The following SIAH3 variants were observed in gnomAD, a reference collection of about 807,000 sequenced individuals.
The protein encoded by SIAH3 is seven in absentia homolog 3.
A neutral mutation model predicts 12.6 loss-of-function variants in SIAH3; 9 were observed. That is an observed-to-expected ratio of 0.72 (90% CI 0.43 to 1.25). The LOEUF (loss-of-function observed/expected upper bound fraction) is 1.25, where lower values mean the gene tolerates loss of function less well. Among genes scored for constraint, SIAH3 ranks in the 50% most tolerant of loss-of-function variants. The pLI, the probability that SIAH3 is intolerant of heterozygous loss-of-function variation, is 0.00. For missense variants in SIAH3, 390 were observed against 365.4 expected, an observed-to-expected ratio of 1.07 and a Z score of -0.55; for synonymous variants, 154 against 151.1, an observed-to-expected ratio of 1.02 and a Z score of -0.14.
chr13:45,820,952 G>C (rs934131434), intron 1 of SIAH3, among the ~76,000 whole-genome samples: 6 of 152,160 alleles, frequency 3.9e-5, no homozygotes, highest in Non-Finnish European at 7.4e-5. Context: ...CTCCTACCAA[G>C]GTCTGTTGTT....
chr13:45,834,557 G>A lies in SIAH3; in HGVS notation c.135+16938C>T, dbSNP rs117632316. Among the ~76,000 whole-genome samples the A allele has an allele frequency of 3.8e-3, 579 of 152,304 alleles. 6 individuals carry two copies. The highest frequency in any genetic ancestry group is 5.9e-3 in the Non-Finnish European group (398 of 68,020). ...GGTTCCAGGGCAGTTCTCCCTGGGA[G>A]CTCAGGGCCTATGGCTGGTGGGCAG... On this transcript the variant is annotated intron_variant, in intron 1 of 1. Coordinates refer to ENST00000400405, the MANE Select transcript of SIAH3 (RefSeq NM_198849.3).
At position 45,784,409 on chromosome 13, in the gene SIAH3, T is replaced by G. The variant is rs1484925375; in HGVS notation, c.136-352A>C. Among the ~76,000 whole-genome samples, 12 of 150,770 alleles carry G rather than the reference T, an allele frequency of 8.0e-5. 2 individuals carry two copies. Among genetic ancestry groups the G allele is most frequent in the East Asian group, 3.9e-4 (2 of 5,164 alleles). On this transcript the variant is annotated intron_variant, in intron 1 of 1. Coordinates refer to ENST00000400405, the MANE Select transcript of SIAH3 (RefSeq NM_198849.3). ...GAACAAAGACAGCTGTTTTTTTTTT[T>G]TTTTTTTTTTTTGCTTTTTTGATAT...
At chr13:45,790,060 T>C (rs79584675) in intron 1 of SIAH3, among the ~76,000 whole-genome samples, 21 of 152,336 alleles carry the variant, frequency 1.4e-4, no homozygotes, top group African/African-American at 4.8e-4. Context: ...CTAAATATCC[T>C]TGTGTCCAGC....
intron 1 of SIAH3, among the ~76,000 whole-genome samples, chr13:45,813,013 T>C (rs1376017021): frequency 1.3e-5 from 2 of 152,142 alleles, no homozygotes; most frequent in Non-Finnish European, 2.9e-5. Flanking sequence ...ATCTGGATGG[T>C]AGGGAAGTGA....
At chr13:45,827,562 G>T (rs1306903389) in intron 1 of SIAH3, among the ~76,000 whole-genome samples, 1 of 152,114 alleles carries the variant, frequency 6.6e-6, no homozygotes, top group Non-Finnish European at 1.5e-5. Context: ...TTCTCAGAGG[G>T]GTTGGGAAAG....
intron 1 of SIAH3, among the ~76,000 whole-genome samples, chr13:45,848,072 G>C (rs2137587604): frequency 6.6e-6 from 1 of 152,162 alleles, no homozygotes; most frequent in East Asian, 1.9e-4. Flanking sequence ...AACAAGCAAA[G>C]GACAGGAGGG....
At chr13:45,794,240 TGTA>T (rs1301970747) in intron 1 of SIAH3, among the ~76,000 whole-genome samples, 1 of 152,038 alleles carries the variant, frequency 6.6e-6, no homozygotes, top group Non-Finnish European at 1.5e-5. Flanking sequence ...CTACAGGCAC[TGTA>T]GACTGGGAAT....
chr13:45,843,796 T>A (rs548818044), intron 1 of SIAH3, among the ~76,000 whole-genome samples: 1 of 151,290 alleles, frequency 6.6e-6, no homozygotes, highest in Non-Finnish European at 1.5e-5. Flanking sequence ...AGGTGGGGAG[T>A]GTGGGGAGTC....
chr13:45,841,222 C>T (rs956789689), intron 1 of SIAH3, among the ~76,000 whole-genome samples: 2 of 152,150 alleles, frequency 1.3e-5, no homozygotes, highest in Admixed American at 6.5e-5. Flanking sequence ...CTGTTAGATC[C>T]GAGAGGCCAT....
At chr13:45,840,881 C>A (rs1269950093) in intron 1 of SIAH3, among the ~76,000 whole-genome samples, 1 of 152,164 alleles carries the variant, frequency 6.6e-6, no homozygotes, top group African/African-American at 2.4e-5. Context: ...CCACAAAGAG[C>A]TGGGTGACAT....
intron 1 of SIAH3, among the ~76,000 whole-genome samples, chr13:45,789,359 TC>T (rs1475891059): frequency 1.2e-3 from 5 of 4,214 alleles, no homozygotes; most frequent in Non-Finnish European, 1.6e-3. Context: ...GTATCTATCA[TC>T]TATCTATCTA....
intron 1 of SIAH3, among the ~76,000 whole-genome samples, chr13:45,822,621 GATTTT>G (rs1950660146): frequency 6.9e-6 from 1 of 145,558 alleles, no homozygotes; most frequent in African/African-American, 2.6e-5. Context: ...GATTATAGGT[GATTTT>G]ATTTTCTTAT....
At position 45,781,534 on chromosome 13, in the gene SIAH3, C is replaced by G. The variant is rs1404591511; in HGVS notation, c.*1849G>C. 6.6e-6 allele frequency: 1 copy of G among 152,196 alleles called. No individual in the cohort carries two copies. The highest frequency in any genetic ancestry group is 1.5e-5 in the Non-Finnish European group (1 of 68,028). The allele number at this position is 152,196 out of a possible 1,614,324, so 9.4% of individuals were successfully genotyped here. ...GCTCAAAGAATGCGCAGGCCCCAAT[C>G]CTTTTTTGCGACTGCAGCATCTGAC... On this transcript the variant is annotated 3_prime_UTR_variant, in exon 2 of 2. Transcript: ENST00000400405.
intron 1 of SIAH3, among the ~76,000 whole-genome samples, chr13:45,784,991 A>T (rs761058874): frequency 3.9e-5 from 6 of 152,216 alleles, no homozygotes; most frequent in African/African-American, 1.2e-4. Context: ...AGTTTTGACA[A>T]AGGTCCTCCA....
intron 1 of SIAH3, among the ~76,000 whole-genome samples, chr13:45,790,785 C>T (rs184270129): frequency 3.4e-4 from 52 of 152,244 alleles, no homozygotes; most frequent in African/African-American, 7.7e-4. Flanking sequence ...AATCAGCTGC[C>T]GTAAGACAGG....
chr13:45,796,099 C>A (rs1950561644), intron 1 of SIAH3, among the ~76,000 whole-genome samples: 1 of 152,088 alleles, frequency 6.6e-6, no homozygotes, highest in African/African-American at 2.4e-5. Context: ...CCGAGGGAGC[C>A]CCTGAGGGCT....
intron 1 of SIAH3, among the ~76,000 whole-genome samples, chr13:45,810,696 T>G (rs1529877): frequency 6.6e-6 from 1 of 152,068 alleles, no homozygotes; most frequent in Non-Finnish European, 1.5e-5. Flanking sequence ...CAAGAATGTT[T>G]AATTTGAAGA....
At chr13:45,812,174 C>G (rs767203170) in intron 1 of SIAH3, among the ~76,000 whole-genome samples, 10 of 152,242 alleles carry the variant, frequency 6.6e-5, no homozygotes, top group Non-Finnish European at 1.3e-4. Flanking sequence ...GATGCAGACA[C>G]AGCCTGAGGG....
chr13:45,820,821 C>T (rs1306412597), intron 1 of SIAH3, among the ~76,000 whole-genome samples: 1 of 152,202 alleles, frequency 6.6e-6, no homozygotes, highest in East Asian at 1.9e-4. Flanking sequence ...GCTCCTGGCA[C>T]TTGCTTCCTG....
Sources: allele counts gnomAD v4.1 joint callset (sites outside exome capture counted in the v4.1 genomes callset), GRCh38; gene constraint gnomAD v4.1.1; transcripts MANE v1.5; gene names NCBI Gene and HGNC (gene_info 2026-07-23, HGNC 2026-07-21).